C3orf70: variants seen among roughly 807,000 people sequenced by gnomAD.
C3orf70 encodes UPF0524 protein C3orf70.
In C3orf70, 15 loss-of-function variants were observed where a neutral mutation model predicts 20.7. The ratio of observed to expected loss-of-function variants is 0.72; its 90% CI spans 0.48 to 1.11. The LOEUF is 1.11. C3orf70 is among the 50% of genes most tolerant of loss of function. C3orf70 has a pLI of 0.00. For missense variants in C3orf70, 332 were observed against 317.6 expected (o/e 1.05, Z -0.34); for synonymous variants, 161 against 125.7 (o/e 1.28, Z -1.88).
chr3:185,078,149 CAAT>C lies in C3orf70; in HGVS notation c.*4855_*4857del, dbSNP rs1019365767. On this transcript the variant is annotated 3_prime_UTR_variant, in exon 2 of 2. Transcript: ENST00000335012. ...GAAAGTTGAGCTGTCTGTAGGAAAA[CAAT>C]ATAATTTTAGGAAATTACAGAAGAG... is the stretch of plus-strand genomic sequence containing the variant. The C allele has an allele frequency of 1.3e-5, 2 of 152,484 alleles. No individual in the cohort carries two copies. The highest frequency in any genetic ancestry group is 2.9e-5 in the Non-Finnish European group (2 of 68,010). 9.4% of individuals were successfully genotyped at this position (152,484 alleles called of 1,614,324 possible).
At chr3:185,090,200 T>C (rs972883056) in intron 1 of C3orf70, among the ~76,000 whole-genome samples, 1 of 152,238 alleles carries the variant, frequency 6.6e-6, no homozygotes, top group Non-Finnish European at 1.5e-5. Context: ...TGCAGCACTG[T>C]ATAATTACAT....
In C3orf70 at chr3:185,079,239, C is replaced by T. The variant is rs1715272846; in HGVS notation, c.*3768G>A. 2 of 147,022 alleles carry T rather than the reference C, an allele frequency of 1.4e-5. No homozygotes were observed. Among genetic ancestry groups the T allele is most frequent in the Admixed American group, 1.4e-4 (2 of 14,628 alleles). The allele number at this position is 147,022 out of a possible 1,614,324, so 9.1% of individuals were successfully genotyped here. A position where few individuals can be genotyped will look rare whatever the true frequency, so the allele number is the denominator to read the frequency against. ...GAGCTGGCAGTGAGCCGAGATCGCG[C>T]CACTGCACTCCAGCCTGGGTGAAGG... On this transcript the variant is annotated 3_prime_UTR_variant, in exon 2 of 2. Transcript: ENST00000335012.
At chr3:185,135,776 G>A (rs1406017733) in intron 1 of C3orf70, among the ~76,000 whole-genome samples, 1 of 151,922 alleles carries the variant, frequency 6.6e-6, no homozygotes, top group Non-Finnish European at 1.5e-5. Flanking sequence ...TACAAATATG[G>A]TGTCAATAAA....
Position 185,083,457 on chromosome 3 carries a change from G to A in C3orf70, c.303C>T (p.Leu101=), listed in dbSNP as rs1715397107. ...ATGCAAATTTCAAAAAGTGTTCGGT[G>A]AGCGAGACTGAGATCTGAATGGTGT... The part of the protein sequence containing the change: ...PTNTIQISVS[L]TEHFLKFASV... Residue 101 remains leucine, a synonymous_variant, in exon 2 of 2, where the codon CTC becomes CTT. Transcript: ENST00000335012. 1.2e-6 allele frequency: 2 copies of A among 1,614,100 alleles called. No homozygotes were observed. The highest frequency in any genetic ancestry group is 8.5e-7 in the Non-Finnish European group (1 of 1,180,028).
intron 1 of C3orf70, among the ~76,000 whole-genome samples, chr3:185,098,149 C>T (rs1469223041): frequency 3.9e-5 from 6 of 152,284 alleles, no homozygotes; most frequent in African/African-American, 1.4e-4. Flanking sequence ...GAGACGCCAG[C>T]CCCACAGCAA....
At chr3:185,138,396 C>T (rs1405884322) in intron 1 of C3orf70, among the ~76,000 whole-genome samples, 2 of 150,826 alleles carry the variant, frequency 1.3e-5, no homozygotes, top group African/African-American at 4.9e-5. Flanking sequence ...CTTTCTAATT[C>T]ATTGTATGAA....
At chr3:185,127,952 T>C (rs565409501) in intron 1 of C3orf70, among the ~76,000 whole-genome samples, 2 of 152,314 alleles carry the variant, frequency 1.3e-5, no homozygotes, top group African/African-American at 4.8e-5. Context: ...GTGGATTCAC[T>C]AAAACAAACA....
chr3:185,109,902 AACAG>A (rs1219334690), intron 1 of C3orf70, among the ~76,000 whole-genome samples: 1 of 152,318 alleles, frequency 6.6e-6, no homozygotes, highest in East Asian at 1.9e-4. Context: ...TGCACTGCAG[AACAG>A]ACAGAGGTGC....
chr3:185,122,568 T>C (rs1716326413), intron 1 of C3orf70, among the ~76,000 whole-genome samples: 1 of 152,250 alleles, frequency 6.6e-6, no homozygotes, highest in African/African-American at 2.4e-5. Context: ...TTTAAGGAGA[T>C]GCATATGGGT....
At chr3:185,118,867 C>G (rs1716235421) in intron 1 of C3orf70, among the ~76,000 whole-genome samples, 2 of 152,204 alleles carry the variant, frequency 1.3e-5, no homozygotes, top group South Asian at 2.1e-4. Flanking sequence ...TCAAGAACCA[C>G]TCTACCGTGT....
chr3:185,115,534 G>C (rs555651914), intron 1 of C3orf70, among the ~76,000 whole-genome samples: 1 of 152,258 alleles, frequency 6.6e-6, no homozygotes, highest in South Asian at 2.1e-4. Flanking sequence ...CAAGGAGAGA[G>C]AGAATAGCTT....
Position 185,112,777 on chromosome 3 carries a change from T to C in C3orf70, c.197-29214A>G, listed in dbSNP as rs574434100. ...AATTCTCCTCCCTCCTCCTACCCTA[T>C]CACAGTAAGAGGTAACCTCTATTTT... On this transcript the variant is annotated intron_variant, in intron 1 of 1. Transcript: ENST00000335012. Among the ~76,000 whole-genome samples the C allele has an allele frequency of 8.5e-5, 13 of 152,314 alleles. No homozygotes were observed. The South Asian group carries it at 2.5e-3, about 29-fold the overall frequency.
chr3:185,117,417 A>G (rs1222650428), intron 1 of C3orf70, among the ~76,000 whole-genome samples: 4 of 119,076 alleles, frequency 3.4e-5, no homozygotes, highest in Non-Finnish European at 6.7e-5. Flanking sequence ...TACCACACAC[A>G]TACACACACA....
At chr3:185,114,225 AAATGAACACAAAAATAACTG>A (rs1027246744) in intron 1 of C3orf70, among the ~76,000 whole-genome samples, 1 of 152,076 alleles carries the variant, frequency 6.6e-6, no homozygotes, top group Non-Finnish European at 1.5e-5. Flanking sequence ...GAAAATAACC[AAATGAACACAAAAATAACTG>A]AAATACCATA....
rs780422414 is a variant in C3orf70 at position 185,077,644 on chromosome 3, C to T, written c.*5363G>A. Among the ~76,000 whole-genome samples, 12 of 152,128 alleles carry T rather than the reference C, an allele frequency of 7.9e-5. No individual in the cohort carries two copies. The highest frequency in any genetic ancestry group is 1.3e-4 in the Admixed American group (2 of 15,278). On this transcript the variant is annotated 3_prime_UTR_variant, in exon 2 of 2. Coordinates refer to ENST00000335012, the MANE Select transcript of C3orf70 (RefSeq NM_001025266.3). ...TGGCCCCTGAGTCTTGGTGACCAAG[C>T]GACCCCCCCAAGCTCTGCCGGGCAG...
intron 1 of C3orf70, among the ~76,000 whole-genome samples, chr3:185,118,336 T>C (rs1357660823): frequency 6.6e-6 from 1 of 152,246 alleles, no homozygotes; most frequent in African/African-American, 2.4e-5. Context: ...TTAGATACTC[T>C]GCTTCTGTGC....
chr3:185,093,244 C>G (rs1444937373), intron 1 of C3orf70, among the ~76,000 whole-genome samples: 1 of 152,146 alleles, frequency 6.6e-6, no homozygotes, highest in Non-Finnish European at 1.5e-5. Context: ...TGTCTACAAG[C>G]TACACTGCTC....
chr3:185,083,227 ATT>A lies in C3orf70; in HGVS notation c.531_532del (p.Lys177AsnfsTer11). 6.2e-7 allele frequency: 1 copy of A among 1,614,122 alleles called. No homozygotes were observed. Among genetic ancestry groups the A allele is most frequent in the Non-Finnish European group, 8.5e-7 (1 of 1,180,008 alleles). On this transcript the variant is annotated frameshift_variant, in exon 2 of 2. Transcript: ENST00000335012. LOFTEE classifies it high-confidence loss of function. ...ACTTGAGGGAGAAGAGCAGTGATCTATTTTTGGTGTATTGCTCTCTTTTGAAA... is the reference window on the plus strand; with the variant it reads ...ACTTGAGGGAGAAGAGCAGTGATCTATTTGGTGTATTGCTCTCTTTTGAAA...
chr3:185,124,801 T>C (rs1716373979), intron 1 of C3orf70, among the ~76,000 whole-genome samples: 1 of 151,970 alleles, frequency 6.6e-6, no homozygotes. Context: ...ATCCAGTATA[T>C]AGAAAGAGTT....
Sources: gnomAD v4.1 joint callset for allele counts (sites outside exome capture counted in the v4.1 genomes callset) on GRCh38, gnomAD v4.1.1 for gene constraint, MANE v1.5 for transcripts, NCBI Gene and HGNC (gene_info 2026-07-23, HGNC 2026-07-21) for gene names.